Variants in PPL observed in about 807,000 individuals in gnomAD.
The protein encoded by PPL is periplakin, also known as 190 kDa paraneoplastic pemphigus antigen.
In PPL, 198 loss-of-function variants were observed where a neutral mutation model predicts 194.4. The observed-to-expected ratio is 1.02, with a 90% CI of 0.91 to 1.15. PPL has a LOEUF of 1.15. PPL is among the 50% of genes most tolerant of loss of function. PPL has a pLI of 0.00. For missense variants in PPL, 2,885 were observed against 2,294.8 expected, an observed-to-expected ratio of 1.26 and a Z score of -5.25; for synonymous variants, 1,220 against 972.4, an observed-to-expected ratio of 1.25 and a Z score of -4.74.
rs1275585630 is a variant in PPL at position 4,885,552 on chromosome 16, G to A, written c.3103C>T (p.Gln1035Ter). ...GAREAEVLLL[Q>*]QRVAALAEEK... ...TCAGCCAGGGCGGCCACACGCTGCT[G>A]CAGGAGGAGCACCTCTGCCTCCCGG... is the stretch of plus-strand genomic sequence containing the variant. The change falls in exon 22 of 22, where the codon CAG (glutamine) becomes TAG (stop). Residue 1035 changes from glutamine to a stop codon, truncating the protein, a stop_gained. Transcript: ENST00000345988. LOFTEE classifies it high-confidence loss of function. The surrounding 1 kb of genome is among the most constrained non-coding windows in gnomAD (Gnocchi z 6.3). The A allele has an allele frequency of 6.2e-7, 1 of 1,610,440 alleles. No individual in the cohort carries two copies. The highest frequency in any genetic ancestry group is 1.3e-5 in the African/African-American group (1 of 75,014).
intron 1 of PPL, among the ~76,000 whole-genome samples, chr16:4,915,280 C>G (rs2088896270): frequency 6.6e-6 from 1 of 152,240 alleles, no homozygotes; most frequent in South Asian, 2.1e-4. Flanking sequence ...TAGCAGGAAG[C>G]TATGAGCAGA....
At chr16:4,886,511 G>C (rs1391953056) in intron 21 of PPL, among the ~76,000 whole-genome samples, 1 of 152,254 alleles carries the variant, frequency 6.6e-6, no homozygotes, top group African/African-American at 2.4e-5. Flanking sequence ...ACAGACCGCA[G>C]TTTAGCCCAT....
At chr16:4,918,325 A>G (rs367683805) in intron 1 of PPL, among the ~76,000 whole-genome samples, 10 of 151,800 alleles carry the variant, frequency 6.6e-5, no homozygotes, top group African/African-American at 2.4e-4. Flanking sequence ...CCATTTAGAA[A>G]TGACAGGGGT....
At chr16:4,915,524 A>G (rs1390214262) in intron 1 of PPL, among the ~76,000 whole-genome samples, 1 of 152,210 alleles carries the variant, frequency 6.6e-6, no homozygotes, top group Non-Finnish European at 1.5e-5. Context: ...CCTTTGAAGA[A>G]GGGGATGAAG....
chr16:4,907,079 T>TAAAAAAAAAAAA (rs57847738), intron 2 of PPL, among the ~76,000 whole-genome samples: 16 of 76,990 alleles, frequency 2.1e-4, no homozygotes, highest in African/African-American at 7.8e-4. Flanking sequence ...ACCCTATCTC[T>TAAAAAAAAAAAA]AAAAAAAAAA....
At chr16:4,889,235 G>GTTTTTTTTTT (rs2088271521) in intron 18 of PPL, among the ~76,000 whole-genome samples, 174 bp from the exon 19 acceptor site, 1 of 18,710 alleles carries the variant, frequency 5.3e-5, no homozygotes, top group African/African-American at 1.4e-4. Flanking sequence ...TTTTTTTGTT[G>GTTTTTTTTTT]TTGTTGTTTT....
rs1218216937 is a variant in PPL, at chr16:4,900,454, TTTA to T, written c.606+373_606+375del. 8.2e-4 allele frequency among the ~76,000 whole-genome samples: 104 copies of T among 127,582 alleles called. 10 individuals carry two copies. The highest frequency in any genetic ancestry group is 5.7e-3 in the East Asian group (26 of 4,580). 83.7% of individuals were successfully genotyped at this position (127,582 alleles called of 152,430 possible). ...CACGCCTTTTTTTTTTTTTTTTTTT[TTTA>T]AAGGCAGGGTTTTGCTCTGTTTCCC... On this transcript the variant is annotated intron_variant, in intron 6 of 21. Transcript: ENST00000345988.
At chr16:4,907,857 T>C (rs937432177) in intron 2 of PPL, among the ~76,000 whole-genome samples, 4 of 151,908 alleles carry the variant, frequency 2.6e-5, no homozygotes, top group African/African-American at 7.3e-5. Context: ...GTGGGTTCAG[T>C]TGAAGTTAAA....
intron 2 of PPL, among the ~76,000 whole-genome samples, chr16:4,906,593 T>C (rs927410632): frequency 3.9e-5 from 6 of 152,202 alleles, no homozygotes; most frequent in African/African-American, 1.4e-4. Flanking sequence ...AAGATTAATT[T>C]TGCAAAAGGA....
At chr16:4,918,428 T>G (rs1174452755) in intron 1 of PPL, among the ~76,000 whole-genome samples, 1 of 152,202 alleles carries the variant, frequency 6.6e-6, no homozygotes, top group African/African-American at 2.4e-5. Flanking sequence ...GCCTGGAAGA[T>G]GCTAGTTAAC....
intron 20 of PPL, 117 bp from the exon 21 acceptor site, chr16:4,887,344 A>G (rs887587151): frequency 3.2e-5 from 24 of 743,996 alleles, no homozygotes; most frequent in Non-Finnish European, 4.3e-5. Flanking sequence ...GGGTAGAGGC[A>G]TAGCTCTTGC....
At chr16:4,935,878 G>A (rs903602668) in intron 1 of PPL, among the ~76,000 whole-genome samples, 1 of 152,168 alleles carries the variant, frequency 6.6e-6, no homozygotes, top group South Asian at 2.1e-4. Context: ...AGCAGCTTGG[G>A]GGCAGAACTC....
chr16:4,900,801 T>G, intron 6 of PPL, 29 bp downstream of exon 6: 1 of 1,613,968 alleles, frequency 6.2e-7, no homozygotes, highest in Non-Finnish European at 8.5e-7. Context: ...CCTCTCCCCA[T>G]GAGGCCTTTC....
intron 1 of PPL, among the ~76,000 whole-genome samples, chr16:4,924,519 C>A (rs1045866553): frequency 5.3e-5 from 8 of 152,156 alleles, no homozygotes; most frequent in South Asian, 2.1e-4. Flanking sequence ...TGCCTGGTAC[C>A]CAGGGACACC....
chr16:4,934,238 C>G (rs1478351436), intron 1 of PPL, among the ~76,000 whole-genome samples: 1 of 152,092 alleles, frequency 6.6e-6, no homozygotes, highest in Non-Finnish European at 1.5e-5. Context: ...GGGGTTCACA[C>G]CCTGTCCCGG....
chr16:4,907,345 C>T (rs981928182), intron 2 of PPL, among the ~76,000 whole-genome samples: 1 of 141,344 alleles, frequency 7.1e-6, no homozygotes, highest in Non-Finnish European at 1.6e-5. Flanking sequence ...CACACACACA[C>T]ACACACACAC....
In PPL at chr16:4,890,808, A is replaced by G. The variant is rs2471844; in HGVS notation, c.2082T>C (p.Cys694=). The change falls in exon 17 of 22, where the codon TGT becomes TGC. Residue 694 remains cysteine, a synonymous_variant. Coordinates refer to ENST00000345988, the MANE Select transcript of PPL (RefSeq NM_002705.5). ...CGGCCTCCTGGCGCTCCAGGTCCGGACAGTGCTCCTGGAAGCGGCTGGCCA... is the reference window on the plus strand; with the variant it reads ...CGGCCTCCTGGCGCTCCAGGTCCGGGCAGTGCTCCTGGAAGCGGCTGGCCA... ...STLASRFQEH[C]PDLERQEAEV... is the part of the protein sequence containing the mutation. The G allele has an allele frequency of 0.99, 1,579,758 of 1,599,864 alleles. 781,903 individuals carry two copies. Among genetic ancestry groups the G allele is most frequent in the East Asian group, 1 (44,204 of 44,204 alleles).
chr16:4,891,559 A>G (rs2088319728), intron 16 of PPL: 1 of 416,096 alleles, frequency 2.4e-6, no homozygotes, highest in South Asian at 5.9e-5. Context: ...TGTTACAGGC[A>G]TGTGCCACTA....
In PPL at chr16:4,910,942, T is replaced by C. The variant is rs1276230965; in HGVS notation, c.70A>G (p.Asn24Asp). The change falls in exon 2 of 22, where the codon AAC becomes GAC. Residue 24 changes from asparagine (N) to aspartate (D), a missense_variant. Transcript: ENST00000345988. ...SPTVQTRSIS[N>D]KELSELIEQL... ...TCGATCAGCTCCGAGAGCTCCTTGT[T>C]AGAGATGCTGCGGGCAGAAGCCGAG... is the stretch of plus-strand genomic sequence containing the variant. 6.2e-7 allele frequency: 1 copy of C among 1,612,340 alleles called. No individual in the cohort carries two copies. The highest frequency in any genetic ancestry group is 8.5e-7 in the Non-Finnish European group (1 of 1,179,896).
Sources: allele counts gnomAD v4.1 joint callset (sites outside exome capture counted in the v4.1 genomes callset), GRCh38; gene constraint gnomAD v4.1.1; non-coding constraint Gnocchi (gnomAD v3.1); transcripts MANE v1.5; gene names NCBI Gene and HGNC (gene_info 2026-07-23, HGNC 2026-07-21).